GSTCD: variants seen among roughly 807,000 people sequenced by gnomAD.
GSTCD encodes the protein glutathione S-transferase C-terminal domain-containing protein.
GSTCD carries 44 observed loss-of-function variants against 68.3 expected under a neutral mutation model. The ratio of observed to expected loss-of-function variants is 0.64; its 90% CI spans 0.51 to 0.83. The LOEUF (loss-of-function observed/expected upper bound fraction) is 0.83. Among genes scored for constraint, GSTCD ranks in the 40% least tolerant of loss-of-function variants. The probability of loss-of-function intolerance (pLI) is 0.00; values close to 1 mark genes in which losing one functional copy is unlikely to be tolerated. For missense variants in GSTCD, 739 were observed against 735.9 expected (o/e 1.00, Z -0.05); for synonymous variants, 273 against 255.2 (o/e 1.07, Z -0.67).
At chr4:105,727,748 T>G (rs1239470441) in intron 4 of GSTCD, among the ~76,000 whole-genome samples, 3 of 152,064 alleles carry the variant, frequency 2.0e-5, no homozygotes, top group African/African-American at 7.2e-5. Context: ...ATAGTTTGTT[T>G]TCAGTAGTAC....
Position 105,808,445 on chromosome 4 carries a change from C to T in GSTCD, c.1241-14509C>T, listed in dbSNP as rs540663777. On this transcript the variant is annotated intron_variant, in intron 5 of 11. Transcript: ENST00000515279. The stretch of plus-strand genomic sequence containing the variant: ...AAATCACTTCTCACTACCTCCACTG[C>T]TGTATCTTAATCTAAGCAACTATCA... Among the ~76,000 whole-genome samples, 6 of 152,242 alleles carry T rather than the reference C, an allele frequency of 3.9e-5. No individual in the cohort carries two copies. In the South Asian group the frequency reaches 1.2e-3, roughly 31 times the overall value.
intron 5 of GSTCD, among the ~76,000 whole-genome samples, chr4:105,764,136 A>G (rs1220259087): frequency 6.6e-6 from 1 of 152,232 alleles, no homozygotes; most frequent in Admixed American, 6.5e-5. Flanking sequence ...AATTACACGT[A>G]TAATATCAAC....
At chr4:105,718,589 G>A (rs1732759427) in intron 2 of GSTCD, among the ~76,000 whole-genome samples, 1 of 152,038 alleles carries the variant, frequency 6.6e-6, no homozygotes, top group South Asian at 2.1e-4. Context: ...ATGCAAATGG[G>A]CTAATATACC....
chr4:105,831,135 A>T (rs1723876237), intron 8 of GSTCD, among the ~76,000 whole-genome samples: 1 of 152,224 alleles, frequency 6.6e-6, no homozygotes, highest in African/African-American at 2.4e-5. Context: ...TTTAAAGCTG[A>T]TTACCTATAA....
intron 5 of GSTCD, among the ~76,000 whole-genome samples, chr4:105,755,486 C>CT (rs1734155174): frequency 6.6e-6 from 1 of 152,158 alleles, no homozygotes. Context: ...TTTTCATACT[C>CT]TAACTCAACA....
intron 8 of GSTCD, among the ~76,000 whole-genome samples, chr4:105,832,271 A>G (rs1346088602): frequency 6.6e-6 from 1 of 151,652 alleles, no homozygotes; most frequent in African/African-American, 2.4e-5. Flanking sequence ...TTTTTGGTCT[A>G]TATCTCTCAT....
intron 1 of GSTCD, among the ~76,000 whole-genome samples, chr4:105,714,855 T>C (rs1404605582): frequency 1.3e-5 from 2 of 152,302 alleles, no homozygotes; most frequent in East Asian, 3.9e-4. Context: ...GAGAAGAGTT[T>C]ATAGAATATG....
intron 3 of GSTCD, among the ~76,000 whole-genome samples, chr4:105,719,920 G>A (rs1268508572): frequency 6.6e-6 from 1 of 151,618 alleles, no homozygotes; most frequent in African/African-American, 2.4e-5. Flanking sequence ...TCCGTTGGAC[G>A]TCTACTATTA....
At chr4:105,744,059 A>G (rs1733726104) in intron 5 of GSTCD, among the ~76,000 whole-genome samples, 1 of 152,232 alleles carries the variant, frequency 6.6e-6, no homozygotes, top group Admixed American at 6.5e-5. Context: ...AGATTTTGGC[A>G]CATTTAGTTG....
chr4:105,760,944 C>G, intron 5 of GSTCD: 1 of 325,804 alleles, frequency 3.1e-6, no homozygotes, highest in Non-Finnish European at 5.8e-6. Context: ...GATCTCAGAA[C>G]TCCTGGACAA....
In GSTCD at chr4:105,772,066, C is replaced by T. The variant is rs1734871635; in HGVS notation, c.1240+42567C>T. On this transcript the variant is annotated intron_variant, in intron 5 of 11. Coordinates refer to ENST00000515279, the MANE Select transcript of GSTCD (RefSeq NM_001370181.1). ...TATCCTTGAGCAGTGGTTTGTAGTT[C>T]TTGAAAAGGTGCTTCACATCCATTG... is the stretch of plus-strand genomic sequence containing the variant. Among the ~76,000 whole-genome samples, 3 of 152,024 alleles carry T rather than the reference C, an allele frequency of 2.0e-5. No individual in the cohort carries two copies. In the South Asian group the frequency reaches 6.2e-4, roughly 32 times the overall value.
chr4:105,844,874 A>G (rs1477345814), intron 11 of GSTCD, among the ~76,000 whole-genome samples: 1 of 152,200 alleles, frequency 6.6e-6, no homozygotes. Context: ...GTAGAGGGAC[A>G]GGAGCTCAGA....
Position 105,842,144 on chromosome 4 carries a change from T to G in GSTCD, c.1765+10T>G. On this transcript the variant is annotated intron_variant, in intron 11 of 11. Transcript: ENST00000515279. Reference sequence around the variant, plus strand: ...CAACGAAGGCTCATAGGTATGTGTTTTCACAGAGCAGCTGTTGAGTGTATT... The same window carrying G: ...CAACGAAGGCTCATAGGTATGTGTTGTCACAGAGCAGCTGTTGAGTGTATT... The G allele has an allele frequency of 3.7e-6, 6 of 1,610,186 alleles. No individual in the cohort carries two copies. The highest frequency in any genetic ancestry group is 5.1e-6 in the Non-Finnish European group (6 of 1,176,420).
intron 5 of GSTCD, among the ~76,000 whole-genome samples, chr4:105,794,866 TC>T (rs1735819157): frequency 6.8e-6 from 1 of 146,432 alleles, no homozygotes; most frequent in Non-Finnish European, 1.5e-5. Context: ...TATCTATCTA[TC>T]TATCTATCTA....
intron 5 of GSTCD, among the ~76,000 whole-genome samples, chr4:105,731,513 C>T (rs1733238963): frequency 6.6e-6 from 1 of 151,700 alleles, no homozygotes; most frequent in Admixed American, 6.6e-5. Context: ...GGAGTTCACT[C>T]ATAATTTGGC....
chr4:105,729,460 G>A lies in GSTCD; in HGVS notation c.1201G>A (p.Asp401Asn), dbSNP rs1489143306. ...CCACCCTTGCCCTACTTGGACTCTT[G>A]ATTGGAATGTTCTCCCTGCAGCAGT... ...SPHPCPTWTL[D>N]WNVLPAAVSP... Residue 401 changes from aspartate (D) to asparagine (N), a missense_variant, in exon 5 of 12, where the codon GAT becomes AAT. By Grantham distance (23) the Asp-to-Asn change is conservative. Coordinates refer to ENST00000515279, the MANE Select transcript of GSTCD (RefSeq NM_001370181.1). 1.9e-6 allele frequency: 3 copies of A among 1,612,268 alleles called. No homozygotes were observed. In the East Asian group the frequency reaches 6.7e-5, roughly 36 times the overall value.
chr4:105,769,180 TATTTA>T (rs1734733664), intron 5 of GSTCD, among the ~76,000 whole-genome samples: 2 of 151,998 alleles, frequency 1.3e-5, no homozygotes, highest in African/African-American at 4.8e-5. Context: ...CAATCATTTC[TATTTA>T]ATTAGAGAAA....
At chr4:105,721,816 GAA>G (rs1156872386) in intron 3 of GSTCD, among the ~76,000 whole-genome samples, 1 of 152,014 alleles carries the variant, frequency 6.6e-6, no homozygotes, top group Non-Finnish European at 1.5e-5. Flanking sequence ...CCTCTCCTCT[GAA>G]AAGTCTTAGA....
At chr4:105,790,847 T>G (rs1298898880) in intron 5 of GSTCD, among the ~76,000 whole-genome samples, 2 of 152,012 alleles carry the variant, frequency 1.3e-5, no homozygotes, top group Admixed American at 1.3e-4. Flanking sequence ...AAAAATTTTA[T>G]GTTTTCAGAG....
Sources: gnomAD v4.1 joint callset for allele counts (sites outside exome capture counted in the v4.1 genomes callset) on GRCh38, gnomAD v4.1.1 for gene constraint, MANE v1.5 for transcripts, NCBI Gene and HGNC (gene_info 2026-07-23, HGNC 2026-07-21) for gene names.